Variants in GALNTL6 observed in about 807,000 individuals in gnomAD.
GALNTL6 encodes polypeptide N-acetylgalactosaminyltransferase like 6.
Under a neutral mutation model 73.7 loss-of-function variants are expected in GALNTL6, and 46 were observed. The observed-to-expected ratio is 0.62, with a 90% CI of 0.49 to 0.80. GALNTL6 has a LOEUF of 0.80. Ranked by LOEUF, GALNTL6 falls within the 30% of genes least tolerant of loss-of-function variation. The pLI is 0.00. For missense variants in GALNTL6, 604 were observed against 755.0 expected (o/e 0.80, Z 2.34); for synonymous variants, 259 against 263.7 (o/e 0.98, Z 0.17).
rs145380237 is a variant in GALNTL6 at position 172,728,440 on chromosome 4, A to G, written c.554-80921A>G. On this transcript the variant is annotated intron_variant, in intron 5 of 12. Coordinates refer to ENST00000506823, the MANE Select transcript of GALNTL6 (RefSeq NM_001034845.3). Reference sequence around the variant, plus strand: ...GCTCCAGTTCCATCCACATTGCTGAAAAAGACAGGATTTCATGCTTTGTTA... The same window carrying G: ...GCTCCAGTTCCATCCACATTGCTGAGAAAGACAGGATTTCATGCTTTGTTA... Among the ~76,000 whole-genome samples, 677 of 152,216 alleles carry G rather than the reference A, an allele frequency of 4.4e-3. 5 individuals carry two copies. Among genetic ancestry groups the G allele is most frequent in the African/African-American group, 0.016 (648 of 41,536 alleles).
At chr4:172,781,194 C>T (rs933323616) in intron 5 of GALNTL6, among the ~76,000 whole-genome samples, 2 of 152,162 alleles carry the variant, frequency 1.3e-5, no homozygotes, top group African/African-American at 4.8e-5. Flanking sequence ...ACCATAGAAC[C>T]TTAAATGCTA....
At chr4:172,935,911 A>G (rs1748589546) in intron 9 of GALNTL6, among the ~76,000 whole-genome samples, 1 of 152,128 alleles carries the variant, frequency 6.6e-6, no homozygotes, top group Non-Finnish European at 1.5e-5. Flanking sequence ...TAGAGAGGGA[A>G]TCCTCCGTAA....
intron 5 of GALNTL6, among the ~76,000 whole-genome samples, chr4:172,462,842 G>A (rs978149039): frequency 2.0e-5 from 3 of 152,156 alleles, no homozygotes; most frequent in Non-Finnish European, 4.4e-5. Context: ...TAGACAGCAG[G>A]TAGGATTTCA....
chr4:172,055,723 T>C (rs966247534), intron 2 of GALNTL6, among the ~76,000 whole-genome samples: 10 of 152,120 alleles, frequency 6.6e-5, no homozygotes, highest in African/African-American at 2.4e-4. Context: ...ATCTGACACA[T>C]GACAAAGTAA....
intron 7 of GALNTL6, among the ~76,000 whole-genome samples, chr4:172,824,912 G>A (rs185740380): frequency 6.6e-6 from 1 of 152,238 alleles, no homozygotes; most frequent in East Asian, 1.9e-4. Flanking sequence ...TTGCTGCTTG[G>A]ATTATTTATT....
At chr4:172,550,174 A>G (rs528769477) in intron 5 of GALNTL6, among the ~76,000 whole-genome samples, 2 of 152,270 alleles carry the variant, frequency 1.3e-5, no homozygotes, top group South Asian at 4.1e-4. Context: ...TATAGTAAAG[A>G]TTTCAGGAGG....
chr4:173,026,494 G>A (rs1753239504), intron 12 of GALNTL6, among the ~76,000 whole-genome samples: 1 of 152,254 alleles, frequency 6.6e-6, no homozygotes. Flanking sequence ...ATCCGGGCCA[G>A]CATGCACTGA....
intron 2 of GALNTL6, among the ~76,000 whole-genome samples, chr4:171,868,679 A>ATTCT (rs918821170): frequency 7.3e-5 from 11 of 151,694 alleles, no homozygotes; most frequent in Middle Eastern, 3.2e-3. Context: ...GTAACTGAAC[A>ATTCT]TTCTTTCTTT....
At chr4:171,863,372 A>G (rs909674608) in intron 2 of GALNTL6, among the ~76,000 whole-genome samples, 3 of 152,180 alleles carry the variant, frequency 2.0e-5, no homozygotes, top group African/African-American at 7.2e-5. Flanking sequence ...ATATGGAGAG[A>G]CTAGAAGAGT....
At chr4:172,099,275 G>A (rs1398052494) in intron 2 of GALNTL6, among the ~76,000 whole-genome samples, 1 of 152,102 alleles carries the variant, frequency 6.6e-6, no homozygotes, top group African/African-American at 2.4e-5. Flanking sequence ...TGGGTGAGGA[G>A]TTAAATAAGT....
chr4:172,157,388 C>T (rs1236023773), intron 2 of GALNTL6, among the ~76,000 whole-genome samples: 1 of 152,140 alleles, frequency 6.6e-6, no homozygotes, highest in Non-Finnish European at 1.5e-5. Flanking sequence ...TAATTATTTT[C>T]TCCACACTTT....
intron 5 of GALNTL6, among the ~76,000 whole-genome samples, chr4:172,479,527 G>T (rs953164959): frequency 6.6e-6 from 1 of 152,150 alleles, no homozygotes; most frequent in African/African-American, 2.4e-5. Flanking sequence ...ATACACAGTG[G>T]TGTAATGGAC....
At chr4:172,823,235 A>G (rs560518211) in intron 7 of GALNTL6, among the ~76,000 whole-genome samples, 18 of 152,324 alleles carry the variant, frequency 1.2e-4, no homozygotes, top group African/African-American at 4.1e-4. Context: ...CGAGGCCTAT[A>G]TATTAGCTTC....
At chr4:172,597,333 G>T (rs909518012) in intron 5 of GALNTL6, among the ~76,000 whole-genome samples, 1 of 152,022 alleles carries the variant, frequency 6.6e-6, no homozygotes, top group Non-Finnish European at 1.5e-5. Context: ...CTATAGTGGA[G>T]CCTGTGATAT....
chr4:172,582,111 A>C (rs905384340), intron 5 of GALNTL6, among the ~76,000 whole-genome samples: 1 of 152,218 alleles, frequency 6.6e-6, no homozygotes, highest in African/African-American at 2.4e-5. Context: ...AATTTGACCC[A>C]GAAGTGCACA....
chr4:172,580,648 GC>G (rs1737144567), intron 5 of GALNTL6, among the ~76,000 whole-genome samples: 1 of 152,082 alleles, frequency 6.6e-6, no homozygotes, highest in Non-Finnish European at 1.5e-5. Flanking sequence ...CTTCTTTGTA[GC>G]CCCCCAGAAT....
intron 5 of GALNTL6, among the ~76,000 whole-genome samples, chr4:172,489,785 G>A (rs574620310): frequency 2.0e-5 from 3 of 152,176 alleles, no homozygotes; most frequent in Admixed American, 6.5e-5. Context: ...GCCATTTTAC[G>A]GCTAACACAC....
At chr4:171,988,128 T>C (rs537874830) in intron 2 of GALNTL6, among the ~76,000 whole-genome samples, 9 of 152,218 alleles carry the variant, frequency 5.9e-5, no homozygotes, top group East Asian at 1.9e-4. Context: ...CACGCAGACA[T>C]GAGGGCTAGG....
intron 8 of GALNTL6, among the ~76,000 whole-genome samples, chr4:172,883,265 T>C (rs573499030): frequency 1.5e-3 from 221 of 152,302 alleles, no homozygotes; most frequent in Non-Finnish European, 2.7e-3. Context: ...CAATAAATTA[T>C]TGTGAACTAT....
Sources: gnomAD v4.1 joint callset for allele counts (sites outside exome capture counted in the v4.1 genomes callset) on GRCh38, gnomAD v4.1.1 for gene constraint, MANE v1.5 for transcripts, NCBI Gene and HGNC (gene_info 2026-07-23, HGNC 2026-07-21) for gene names.